Variants in KCNG2 observed in about 807,000 individuals in gnomAD.
The protein encoded by KCNG2 is potassium voltage-gated channel modifier subfamily G member 2, also known as voltage-gated potassium channel regulatory subunit KCNG2.
KCNG2 carries 7 observed loss-of-function variants against 12.3 expected under a neutral mutation model. That is an observed-to-expected ratio of 0.57 (90% CI 0.32 to 1.07). KCNG2 has a LOEUF of 1.07. Ranked by LOEUF, KCNG2 falls within the 50% of genes least tolerant of loss-of-function variation. KCNG2 has a pLI of 0.04. For synonymous variants in KCNG2, 414 were observed against 351.4 expected (o/e 1.18, Z -1.99); for missense variants, 703 against 726.0 (o/e 0.97, Z 0.36).
intron 3 of KCNG2, among the ~76,000 whole-genome samples, chr18:79,891,816 T>C (rs897774073): frequency 6.6e-6 from 1 of 152,224 alleles, no homozygotes; most frequent in African/African-American, 2.4e-5. Context: ...CTGTTCCGTG[T>C]GCACATTGAA....
At chr18:79,798,378 C>T (rs933606382) in intron 1 of KCNG2, among the ~76,000 whole-genome samples, 1 of 152,116 alleles carries the variant, frequency 6.6e-6, no homozygotes, top group African/African-American at 2.4e-5. Context: ...CGCGCTGGTC[C>T]TGCGGGAGCC....
intron 1 of KCNG2, among the ~76,000 whole-genome samples, chr18:79,799,700 A>G (rs1212495704): frequency 6.6e-6 from 1 of 152,244 alleles, no homozygotes; most frequent in Non-Finnish European, 1.5e-5. Flanking sequence ...AGGCATGAGA[A>G]GAAAAGGAGG....
chr18:79,878,042 G>A (rs1426435952), intron 3 of KCNG2, among the ~76,000 whole-genome samples: 2 of 152,278 alleles, frequency 1.3e-5, no homozygotes, highest in African/African-American at 2.4e-5. Flanking sequence ...TGCGGTTCCC[G>A]ATGGCACCGG....
intron 3 of KCNG2, among the ~76,000 whole-genome samples, chr18:79,883,166 G>C (rs373040440): frequency 6.6e-6 from 1 of 152,220 alleles, no homozygotes; most frequent in Non-Finnish European, 1.5e-5. Flanking sequence ...GGCCTGACGC[G>C]GGAGAGGCCA....
chr18:79,871,043 CGA>C (rs1390864152), intron 3 of KCNG2, among the ~76,000 whole-genome samples: 12 of 152,116 alleles, frequency 7.9e-5, no homozygotes, highest in Admixed American at 7.2e-4. Flanking sequence ...AGACCAGCAC[CGA>C]GAGACCAGAG....
chr18:79,880,313 T>G, intron 3 of KCNG2, among the ~76,000 whole-genome samples: 1 of 85,344 alleles, frequency 1.2e-5, no homozygotes, highest in Non-Finnish European at 2.6e-5. Flanking sequence ...TGAGACTCTG[T>G]CTCAAAAAAA....
intron 3 of KCNG2, among the ~76,000 whole-genome samples, chr18:79,872,576 G>A (rs1979892496): frequency 6.6e-6 from 1 of 152,214 alleles, no homozygotes; most frequent in Non-Finnish European, 1.5e-5. Context: ...GAGGCACCGC[G>A]CCCGGCCAAT....
At chr18:79,830,388 C>T (rs1978292123) in intron 1 of KCNG2, among the ~76,000 whole-genome samples, 1 of 152,234 alleles carries the variant, frequency 6.6e-6, no homozygotes, top group African/African-American at 2.4e-5. Context: ...GCAAGGGAGG[C>T]CTCCAGCCAG....
At chr18:79,860,810 T>C (rs1392263632) in intron 2 of KCNG2, among the ~76,000 whole-genome samples, 5 of 152,218 alleles carry the variant, frequency 3.3e-5, no homozygotes, top group Non-Finnish European at 7.3e-5. Flanking sequence ...TATTTCTTTC[T>C]CTTGCCTAAT....
At chr18:79,802,023 C>T (rs942428934) in intron 1 of KCNG2, among the ~76,000 whole-genome samples, 26 of 152,184 alleles carry the variant, frequency 1.7e-4, no homozygotes, top group East Asian at 9.6e-4. Flanking sequence ...TCCTACATGA[C>T]GTTCATCTCT....
At chr18:79,848,731 G>A (rs1176403538) in intron 1 of KCNG2, among the ~76,000 whole-genome samples, 3 of 152,152 alleles carry the variant, frequency 2.0e-5, no homozygotes, top group African/African-American at 4.8e-5. Flanking sequence ...GGACGGTTCT[G>A]TGTATTTCGC....
At chr18:79,831,686 G>T (rs1253867840) in intron 1 of KCNG2, among the ~76,000 whole-genome samples, 5 of 122,428 alleles carry the variant, frequency 4.1e-5, no homozygotes, top group African/African-American at 1.2e-4. Flanking sequence ...GTTCCCTGCG[G>T]ACAGAGCCTT....
At chr18:79,825,754 G>A (rs2087609223) in intron 1 of KCNG2, among the ~76,000 whole-genome samples, 1 of 152,214 alleles carries the variant, frequency 6.6e-6, no homozygotes, top group Non-Finnish European at 1.5e-5. Flanking sequence ...AATTAGAATC[G>A]TTTTTATTCC....
intron 1 of KCNG2, among the ~76,000 whole-genome samples, chr18:79,829,228 C>T (rs2123020018): frequency 6.9e-6 from 1 of 144,216 alleles, no homozygotes; most frequent in Middle Eastern, 4.6e-3. Context: ...GTGTGTGTAA[C>T]GTGTCTGTGT....
At chr18:79,811,102 C>G (rs2087491079) in intron 1 of KCNG2, among the ~76,000 whole-genome samples, 1 of 152,178 alleles carries the variant, frequency 6.6e-6, no homozygotes, top group Non-Finnish European at 1.5e-5. Flanking sequence ...AATGGAAAGA[C>G]ATCCCATGTT....
chr18:79,827,704 TTAC>T (rs1362383573), intron 1 of KCNG2, among the ~76,000 whole-genome samples: 2 of 152,140 alleles, frequency 1.3e-5, no homozygotes, highest in African/African-American at 4.8e-5. Flanking sequence ...ACCCCGCTTA[TTAC>T]CCGCCCACCC....
intron 1 of KCNG2, among the ~76,000 whole-genome samples, chr18:79,827,659 C>T (rs377699896): frequency 3.9e-5 from 6 of 152,064 alleles, no homozygotes; most frequent in African/African-American, 1.2e-4. Flanking sequence ...CAGCCTCCCC[C>T]CTGGATTTCG....
intron 1 of KCNG2, among the ~76,000 whole-genome samples, chr18:79,830,609 G>C (rs1211129603): frequency 1.3e-5 from 2 of 152,274 alleles, no homozygotes; most frequent in African/African-American, 4.8e-5. Flanking sequence ...AGGCCAGCGA[G>C]AGAGATGCCT....
chr18:79,831,638 C>T, intron 1 of KCNG2, among the ~76,000 whole-genome samples: 1 of 127,278 alleles, frequency 7.9e-6, no homozygotes, highest in Admixed American at 7.8e-5. Flanking sequence ...GAGCCTTCGT[C>T]AGGAGCGTGC....
Sources: gnomAD v4.1 joint callset for allele counts (sites outside exome capture counted in the v4.1 genomes callset) on GRCh38, gnomAD v4.1.1 for gene constraint, MANE v1.5 for transcripts, NCBI Gene and HGNC (gene_info 2026-07-23, HGNC 2026-07-21) for gene names.